The following ADCY8 variants were observed in gnomAD, a reference collection of about 807,000 sequenced individuals.
ADCY8 encodes the protein adenylate cyclase 8.
A neutral mutation model predicts 119.7 loss-of-function variants in ADCY8; 51 were observed. That is an observed-to-expected ratio of 0.43 (90% confidence interval 0.34 to 0.54). The LOEUF is 0.54. Ranked by LOEUF, ADCY8 falls within the 20% of genes least tolerant of loss-of-function variation. The pLI, the probability that ADCY8 is intolerant of heterozygous loss-of-function variation, is 0.03. For synonymous variants in ADCY8, 665 were observed against 651.0 expected, an observed-to-expected ratio of 1.02 and a Z score of -0.33; for missense variants, 1,383 against 1,598.8, an observed-to-expected ratio of 0.87 and a Z score of 2.30.
intron 17 of ADCY8, among the ~76,000 whole-genome samples, chr8:130,781,149 C>T (rs1289462345): frequency 6.6e-6 from 1 of 152,192 alleles, no homozygotes; most frequent in Admixed American, 6.5e-5. Context: ...TGGTGCCTGG[C>T]AACCAGTGAG....
chr8:130,963,946 A>G (rs1292914342), intron 2 of ADCY8, among the ~76,000 whole-genome samples: 1 of 152,246 alleles, frequency 6.6e-6, no homozygotes, highest in Non-Finnish European at 1.5e-5. Context: ...TATCACTAAA[A>G]TAAAGGCTTT....
At chr8:130,833,101 G>A (rs1457173202) in intron 12 of ADCY8, among the ~76,000 whole-genome samples, 1 of 152,028 alleles carries the variant, frequency 6.6e-6, no homozygotes, top group East Asian at 1.9e-4. Flanking sequence ...ATATATCCAT[G>A]GCCACTAACC....
At chr8:130,895,015 A>G (rs1007725802) in intron 7 of ADCY8, among the ~76,000 whole-genome samples, 3 of 152,156 alleles carry the variant, frequency 2.0e-5, no homozygotes, top group African/African-American at 7.2e-5. Flanking sequence ...TTTTACACTG[A>G]AGGATCTGAG....
At position 130,951,996 on chromosome 8, in the gene ADCY8, C is replaced by A; in HGVS notation, c.1113G>T (p.Glu371Asp). The A allele has an allele frequency of 6.2e-7, 1 of 1,613,980 alleles. No homozygotes were observed. The highest frequency in any genetic ancestry group is 2.2e-5 in the East Asian group (1 of 44,880). ...GGGGGAGCACAGAAAGCACGAGCCG[C>A]TCCTGGAACAAATGAAGAGGGACGG... is the stretch of plus-strand genomic sequence containing the variant. ...LRLETENQRQ[E>D]RLVLSVLPRF... The change falls in exon 3 of 18, where the codon GAG becomes GAT. Residue 371 changes from glutamate to aspartate, a missense_variant and splice_region_variant. By Grantham distance (45) the Glu-to-Asp change is conservative. This residue lies in a region of ADCY8 where 928 missense variants were observed against 1,163.5 expected (regional missense o/e 0.80). Transcript: ENST00000286355.
intron 5 of ADCY8, among the ~76,000 whole-genome samples, chr8:130,917,298 G>A (rs6986870): frequency 0.69 from 104,453 of 152,060 alleles, 36,557 homozygotes; most frequent in African/African-American, 0.81. Context: ...CAAACAGACA[G>A]ATCAAGTTCT....
intron 1 of ADCY8, among the ~76,000 whole-genome samples, chr8:131,036,107 G>A (rs1376034779): frequency 6.6e-6 from 1 of 152,154 alleles, no homozygotes; most frequent in Non-Finnish European, 1.5e-5. Context: ...ATTGGCATCA[G>A]AGTCAGGGTT....
intron 11 of ADCY8, among the ~76,000 whole-genome samples, chr8:130,844,815 T>C (rs1240470435): frequency 6.6e-6 from 1 of 152,222 alleles, no homozygotes; most frequent in Non-Finnish European, 1.5e-5. Flanking sequence ...ACCGTTTCAT[T>C]GTGGAGAAAA....
At chr8:130,970,309 G>A (rs767841867) in intron 2 of ADCY8, among the ~76,000 whole-genome samples, 12 of 152,252 alleles carry the variant, frequency 7.9e-5, no homozygotes, top group Admixed American at 4.6e-4. Flanking sequence ...CTGTCAGATC[G>A]GTGGCAGCAT....
chr8:130,780,718 T>C lies in ADCY8; in HGVS notation c.3428A>G (p.Gln1143Arg). 1 of 1,614,242 alleles carries C rather than the reference T, an allele frequency of 6.2e-7. No individual in the cohort carries two copies. Among genetic ancestry groups the C allele is most frequent in the Non-Finnish European group, 8.5e-7 (1 of 1,180,036 alleles). Residue 1143 changes from glutamine to arginine, a missense_variant, in exon 18 of 18, where the codon CAG becomes CGG. Physicochemically the swap from Gln to Arg is conservative, Grantham distance 43. Coordinates refer to ENST00000286355, the MANE Select transcript of ADCY8 (RefSeq NM_001115.3). ...PEETYLILKD[Q>R]GFAFDYRGEI... The stretch of plus-strand genomic sequence containing the variant: ...CCCTCGGTAATCAAAGGCAAAGCCC[T>C]GGTCCTTCAGGATGAGATAGGTCTC...
intron 2 of ADCY8, among the ~76,000 whole-genome samples, chr8:130,988,549 A>G (rs1822474974): frequency 6.6e-6 from 1 of 152,222 alleles, no homozygotes; most frequent in Non-Finnish European, 1.5e-5. Flanking sequence ...ATGTATAAAA[A>G]AGGAACCTAT....
intron 9 of ADCY8, among the ~76,000 whole-genome samples, chr8:130,864,938 G>A (rs558761712): frequency 1.3e-5 from 2 of 152,150 alleles, no homozygotes; most frequent in East Asian, 3.9e-4. Context: ...ATTGTATCAG[G>A]TAATAGAAAA....
chr8:130,956,167 A>AC (rs1586604157), intron 2 of ADCY8, among the ~76,000 whole-genome samples: 1 of 152,298 alleles, frequency 6.6e-6, no homozygotes, highest in East Asian at 1.9e-4. Context: ...AAACAAACAA[A>AC]AAAATCTGTG....
intron 7 of ADCY8, among the ~76,000 whole-genome samples, chr8:130,894,052 G>C (rs1819299944): frequency 6.6e-6 from 1 of 151,944 alleles, no homozygotes; most frequent in African/African-American, 2.4e-5. Context: ...GCTCATGTTT[G>C]GTGTTTTAAA....
chr8:130,948,994 C>T (rs1821193312), intron 3 of ADCY8, among the ~76,000 whole-genome samples: 1 of 152,138 alleles, frequency 6.6e-6, no homozygotes, highest in Admixed American at 6.6e-5. Flanking sequence ...GCAACAGGGC[C>T]GGCGGCTGGT....
chr8:130,983,741 A>G (rs1822310424), intron 2 of ADCY8, among the ~76,000 whole-genome samples: 1 of 152,134 alleles, frequency 6.6e-6, no homozygotes, highest in Admixed American at 6.5e-5. Context: ...CACTAAGAAG[A>G]TGATCCTGAC....
At chr8:130,822,527 AATCCATGAATCCATCCATCC>A (rs1454808882) in intron 12 of ADCY8, among the ~76,000 whole-genome samples, 2 of 139,246 alleles carry the variant, frequency 1.4e-5, no homozygotes, top group Admixed American at 7.4e-5. Context: ...TGAATCCATG[AATCCATGAATCCATCCATCC>A]ATCCATCCAT....
intron 7 of ADCY8, among the ~76,000 whole-genome samples, chr8:130,902,963 G>A (rs537693108): frequency 6.6e-6 from 1 of 152,104 alleles, no homozygotes; most frequent in South Asian, 2.1e-4. Context: ...AGGTTAAAGG[G>A]AAAATCCATA....
chr8:130,814,312 G>A, intron 13 of ADCY8, 85 bp from the exon 14 acceptor site: 1 of 1,434,336 alleles, frequency 7.0e-7, no homozygotes, highest in Non-Finnish European at 9.5e-7. Context: ...AGGCAGGAAA[G>A]GCTTCTCTGG....
intron 12 of ADCY8, among the ~76,000 whole-genome samples, chr8:130,823,735 T>A (rs997364989): frequency 1.3e-5 from 2 of 152,144 alleles, no homozygotes; most frequent in African/African-American, 4.8e-5. Context: ...AAGATGCACA[T>A]ATAAAAAAAT....
Sources: allele counts gnomAD v4.1 joint callset (sites outside exome capture counted in the v4.1 genomes callset), GRCh38; gene constraint gnomAD v4.1.1; regional missense constraint gnomAD v4.1.1; transcripts MANE v1.5; gene names NCBI Gene and HGNC (gene_info 2026-07-23, HGNC 2026-07-21).